IRF2: variants seen among roughly 807,000 people sequenced by gnomAD.
IRF2 encodes the protein interferon regulatory factor 2.
IRF2 carries 15 observed loss-of-function variants against 40.6 expected under a neutral mutation model. That is an observed-to-expected ratio of 0.37 (90% CI 0.25 to 0.57). The LOEUF is 0.57. Among genes scored for constraint, IRF2 ranks in the 20% least tolerant of loss-of-function variants. IRF2 has a pLI of 0.77. For synonymous variants in IRF2, 151 were observed against 165.5 expected, an observed-to-expected ratio of 0.91 and a Z score of 0.67; for missense variants, 317 against 455.7, an observed-to-expected ratio of 0.70 and a Z score of 2.77.
intron 1 of IRF2, among the ~76,000 whole-genome samples, chr4:184,437,114 C>T (rs1404229693): frequency 6.6e-6 from 1 of 152,104 alleles, no homozygotes; most frequent in African/African-American, 2.4e-5. Context: ...AGAGTATAGT[C>T]GTGCAATCTT....
intron 7 of IRF2, among the ~76,000 whole-genome samples, chr4:184,396,585 C>T (rs1736473108): frequency 6.6e-6 from 1 of 151,882 alleles, no homozygotes. Context: ...CGGGCACATG[C>T]CACCACACCC....
chr4:184,399,055 C>A lies in IRF2; in HGVS notation c.554G>T (p.Ser185Ile). ...GACAATCTCTTGATTCTCAATGTTG[C>A]TGTCCAGATGGGACTGTCCTACAAC... ...IIVVGQSHLD[S>I]NIENQEIVTN... Residue 185 changes from serine (S) to isoleucine (I), a missense_variant, in exon 7 of 9, where the codon AGC (serine) becomes ATC (isoleucine). This residue lies in a region of IRF2 where 262 missense variants were observed against 334.0 expected (regional missense o/e 0.78). Transcript: ENST00000393593. The A allele has an allele frequency of 6.2e-7, 1 of 1,610,184 alleles. No individual in the cohort carries two copies.
At chr4:184,395,763 G>T (rs942342527) in intron 7 of IRF2, among the ~76,000 whole-genome samples, 2 of 152,210 alleles carry the variant, frequency 1.3e-5, no homozygotes, top group African/African-American at 2.4e-5. Flanking sequence ...CAAAGGCCAG[G>T]CTGAAAAGCC....
chr4:184,415,023 G>C (rs138995461), intron 5 of IRF2, among the ~76,000 whole-genome samples: 229 of 152,306 alleles, frequency 1.5e-3, no homozygotes, highest in South Asian at 8.1e-3. Context: ...ATTGTCCTCT[G>C]ACTTTCCAAT....
At chr4:184,410,236 G>C (rs150870120) in intron 5 of IRF2, among the ~76,000 whole-genome samples, 1 of 152,152 alleles carries the variant, frequency 6.6e-6, no homozygotes, top group Non-Finnish European at 1.5e-5. Flanking sequence ...AGGGCACTGC[G>C]GACAGTTGTA....
At chr4:184,457,925 G>A (rs750453029) in intron 1 of IRF2, among the ~76,000 whole-genome samples, 8 of 152,008 alleles carry the variant, frequency 5.3e-5, no homozygotes. Context: ...CACATGCACT[G>A]AGTGAGATAT....
At chr4:184,466,581 GA>G (rs917540864) in intron 1 of IRF2, among the ~76,000 whole-genome samples, 40 of 152,282 alleles carry the variant, frequency 2.6e-4, no homozygotes, top group African/African-American at 9.4e-4. Context: ...AGTACGGGGG[GA>G]GAAGGCCTAA....
At chr4:184,398,452 C>A (rs751765784) in intron 7 of IRF2, among the ~76,000 whole-genome samples, 26 of 152,022 alleles carry the variant, frequency 1.7e-4, no homozygotes, top group Middle Eastern at 3.4e-3. Context: ...ACGTCAGGAG[C>A]TCGAGACCAG....
intron 2 of IRF2, among the ~76,000 whole-genome samples, chr4:184,421,290 C>T (rs570158309): frequency 6.6e-6 from 1 of 152,274 alleles, no homozygotes; most frequent in African/African-American, 2.4e-5. Flanking sequence ...CTACCATCTT[C>T]TAAAAAGTCA....
intron 1 of IRF2, among the ~76,000 whole-genome samples, chr4:184,455,766 T>G (rs1340641015): frequency 6.6e-5 from 10 of 151,972 alleles, no homozygotes; most frequent in African/African-American, 2.4e-4. Flanking sequence ...AAAAAAAAAT[T>G]TTACTATTTA....
chr4:184,427,535 A>G (rs1382229123), intron 2 of IRF2, among the ~76,000 whole-genome samples: 1 of 152,158 alleles, frequency 6.6e-6, no homozygotes, highest in Non-Finnish European at 1.5e-5. Context: ...GGTCCCAGCT[A>G]CTTGGGAGAC....
intron 8 of IRF2, 65 bp from the exon 9 acceptor site, chr4:184,389,131 C>A: frequency 6.7e-7 from 1 of 1,498,848 alleles, no homozygotes; most frequent in Non-Finnish European, 9.3e-7. Context: ...TTTAAAAATG[C>A]ATCACTGGCC....
At chr4:184,473,139 A>C (rs1454296287) in intron 1 of IRF2, among the ~76,000 whole-genome samples, 2 of 151,750 alleles carry the variant, frequency 1.3e-5, no homozygotes, top group Non-Finnish European at 2.9e-5. Flanking sequence ...GGCGGAAAGG[A>C]AGTGGCGGCC....
At position 184,448,440 on chromosome 4, in the gene IRF2, T is replaced by C. The variant is rs1738595066; in HGVS notation, c.-6-19370A>G. Among the ~76,000 whole-genome samples the C allele has an allele frequency of 6.6e-6, 1 of 152,218 alleles. No individual in the cohort carries two copies. ...GGGGGAGATGAGGAGTGATGGTCCA[T>C]AATTCATTTAAATTGTTCAGTTGTG... On this transcript the variant is annotated intron_variant, in intron 1 of 8. Transcript: ENST00000393593. The surrounding 1 kb of genome is among the most constrained non-coding windows in gnomAD (Gnocchi z 4.3).
At chr4:184,427,154 C>T (rs1737702992) in intron 2 of IRF2, among the ~76,000 whole-genome samples, 1 of 152,196 alleles carries the variant, frequency 6.6e-6, no homozygotes, top group Non-Finnish European at 1.5e-5. Flanking sequence ...AACTCCATTT[C>T]TTGTTTGTTT....
rs1739631570 is a variant in IRF2, at chr4:184,474,011, A to G, written c.-7+368T>C. 2.0e-5 allele frequency: 3 copies of G among 153,144 alleles called. No homozygotes were observed. Among genetic ancestry groups the G allele is most frequent in the South Asian group, 4.0e-4 (2 of 4,964 alleles). The allele number at this position is 153,144 out of a possible 1,614,324, so 9.5% of individuals were successfully genotyped here. On this transcript the variant is annotated intron_variant, in intron 1 of 8. Transcript: ENST00000393593. This position sits in a 1 kb window ranked among gnomAD's most constrained non-coding sequence, Gnocchi z 5.6. ...ACACCTGGGGCGCAGAAGCACACAC[A>G]GCAGGTCTGTGTCCATGGAGCCACC...
intron 1 of IRF2, chr4:184,432,022 C>T (rs929063589): frequency 6.6e-6 from 1 of 152,084 alleles, no homozygotes; most frequent in African/African-American, 2.4e-5. Context: ...TGAAAGACAG[C>T]GAAGATCAGT....
chr4:184,444,334 T>A (rs1379948977), intron 1 of IRF2, among the ~76,000 whole-genome samples: 1 of 152,110 alleles, frequency 6.6e-6, no homozygotes, highest in Admixed American at 6.5e-5. Flanking sequence ...GCCATTCAGG[T>A]CTCCATCCGG....
chr4:184,397,470 C>A (rs1054588201), intron 7 of IRF2, among the ~76,000 whole-genome samples: 1 of 151,942 alleles, frequency 6.6e-6, no homozygotes, highest in Non-Finnish European at 1.5e-5. Flanking sequence ...AAACTGTGTA[C>A]CTAAAAATGG....
Sources: gnomAD v4.1 joint callset for allele counts (sites outside exome capture counted in the v4.1 genomes callset) on GRCh38, gnomAD v4.1.1 for gene constraint, gnomAD v4.1.1 regional missense constraint, Gnocchi (gnomAD v3.1) non-coding constraint, MANE v1.5 for transcripts, NCBI Gene and HGNC (gene_info 2026-07-23, HGNC 2026-07-21) for gene names.